The following GRM5 variants were observed in gnomAD, a reference collection of about 807,000 sequenced individuals.
GRM5 encodes metabotropic glutamate receptor 5.
In GRM5, 19 loss-of-function variants were observed where a neutral mutation model predicts 83.1. That is an observed-to-expected ratio of 0.23 (90% CI 0.16 to 0.34). The LOEUF is 0.34. GRM5 is among the 10% of genes least tolerant of loss of function. The pLI, the probability that GRM5 is intolerant of heterozygous loss-of-function variation, is 1.00. For missense variants in GRM5, 1,160 were observed against 1,588.3 expected (o/e 0.73, Z 4.58); for synonymous variants, 675 against 633.6 (o/e 1.07, Z -0.98).
Position 88,868,529 on chromosome 11 carries a change from T to C in GRM5, c.662-18374A>G, listed in dbSNP as rs758658770. Among the ~76,000 whole-genome samples the C allele has an allele frequency of 2.6e-5, 4 of 151,828 alleles. No individual in the cohort carries two copies. In the Admixed American group the frequency reaches 2.6e-4, roughly 10 times the overall value. On this transcript the variant is annotated intron_variant, in intron 2 of 9. Coordinates refer to ENST00000305447, the MANE Select transcript of GRM5 (RefSeq NM_001143831.3). Reference sequence around the variant, plus strand: ...TTTTTATGAGTTCTTATTTTGCTACTAACTTCTTAGTTGTTGGTGTTTGTC... The same window carrying C: ...TTTTTATGAGTTCTTATTTTGCTACCAACTTCTTAGTTGTTGGTGTTTGTC...
At chr11:88,519,975 A>G (rs1941633735) in intron 9 of GRM5, among the ~76,000 whole-genome samples, 1 of 152,074 alleles carries the variant, frequency 6.6e-6, no homozygotes, top group African/African-American at 2.4e-5. Context: ...TTGAAATGAC[A>G]CTCCGTGGTC....
intron 3 of GRM5, among the ~76,000 whole-genome samples, chr11:88,798,479 G>C (rs1006861709): frequency 3.3e-5 from 5 of 152,050 alleles, no homozygotes; most frequent in Non-Finnish European, 7.4e-5. Flanking sequence ...ATTCTACAAG[G>C]CTTATTTTAA....
chr11:88,753,679 C>A (rs2135430208), intron 3 of GRM5, among the ~76,000 whole-genome samples: 1 of 152,188 alleles, frequency 6.6e-6, no homozygotes, highest in South Asian at 2.1e-4. Context: ...ACCTAAATCC[C>A]CATCAATGAT....
chr11:88,956,738 G>A (rs1938629101), intron 2 of GRM5, among the ~76,000 whole-genome samples: 1 of 152,184 alleles, frequency 6.6e-6, no homozygotes. Context: ...CCCGGAAGGC[G>A]GAACTTGCAG....
intron 3 of GRM5, among the ~76,000 whole-genome samples, chr11:88,793,983 C>T (rs1943227880): frequency 6.6e-6 from 1 of 152,110 alleles, no homozygotes; most frequent in Non-Finnish European, 1.5e-5. Flanking sequence ...GCACACACCA[C>T]TATGCCTGGC....
At chr11:88,789,092 A>C (rs1352825654) in intron 3 of GRM5, among the ~76,000 whole-genome samples, 1 of 152,186 alleles carries the variant, frequency 6.6e-6, no homozygotes, top group Admixed American at 6.6e-5. Context: ...CTAGGCTAAA[A>C]ATTAGGAGAA....
At chr11:89,015,797 A>T (rs770921564) in intron 2 of GRM5, among the ~76,000 whole-genome samples, 14 of 152,302 alleles carry the variant, frequency 9.2e-5, no homozygotes, top group Non-Finnish European at 1.9e-4. Context: ...TTTGAGTGTG[A>T]TTACACAAAC....
At chr11:88,711,641 T>C (rs545228746) in intron 3 of GRM5, among the ~76,000 whole-genome samples, 19 of 152,174 alleles carry the variant, frequency 1.2e-4, no homozygotes, top group Admixed American at 1.1e-3. Flanking sequence ...CTATAAAATA[T>C]GAATAACAAT....
At chr11:88,769,801 A>G (rs1942694894) in intron 3 of GRM5, among the ~76,000 whole-genome samples, 1 of 152,084 alleles carries the variant, frequency 6.6e-6, no homozygotes, top group African/African-American at 2.4e-5. Flanking sequence ...CAACGATGCA[A>G]AAGAATTCCA....
intron 3 of GRM5, among the ~76,000 whole-genome samples, chr11:88,686,810 T>C (rs11020950): frequency 0.018 from 2,815 of 152,192 alleles, 65 homozygotes; most frequent in East Asian, 0.095. Context: ...GCCTCCCCAG[T>C]CATGTGGAAC....
chr11:88,570,496 T>C (rs1220590706), intron 7 of GRM5, among the ~76,000 whole-genome samples: 2 of 147,888 alleles, frequency 1.4e-5, no homozygotes, highest in African/African-American at 5.0e-5. Flanking sequence ...AGTTTAGGCT[T>C]ATATTTACAA....
At chr11:88,813,268 G>A (rs1248296498) in intron 3 of GRM5, among the ~76,000 whole-genome samples, 1 of 152,106 alleles carries the variant, frequency 6.6e-6, no homozygotes, top group African/African-American at 2.4e-5. Flanking sequence ...CCTGTGACTT[G>A]CAGGTAGGGG....
intron 6 of GRM5, among the ~76,000 whole-genome samples, chr11:88,593,767 T>C (rs1565352444): frequency 6.0e-5 from 5 of 82,944 alleles, no homozygotes; most frequent in Non-Finnish European, 6.0e-5. Context: ...CCTCCTTCTC[T>C]CTCTCTCTCT....
chr11:88,685,561 G>C (rs1322758531), intron 3 of GRM5, among the ~76,000 whole-genome samples: 3 of 152,180 alleles, frequency 2.0e-5, no homozygotes, highest in African/African-American at 7.2e-5. Context: ...TGTCTCCAAG[G>C]CATGTCAGAG....
At chr11:88,916,626 G>T (rs1590961981) in intron 2 of GRM5, among the ~76,000 whole-genome samples, 1 of 152,126 alleles carries the variant, frequency 6.6e-6, no homozygotes. Context: ...TTGGTGCTTT[G>T]CTGGGCTTGG....
intron 2 of GRM5, among the ~76,000 whole-genome samples, chr11:88,896,693 C>G (rs1283968674): frequency 6.6e-6 from 1 of 151,798 alleles, no homozygotes; most frequent in Non-Finnish European, 1.5e-5. Flanking sequence ...CCAAATCAAA[C>G]AGAGAGAGTG....
intron 2 of GRM5, among the ~76,000 whole-genome samples, chr11:88,992,362 A>T (rs904530180): frequency 6.6e-6 from 1 of 151,792 alleles, no homozygotes; most frequent in Non-Finnish European, 1.5e-5. Context: ...AAAAGTCAGG[A>T]AACAGCAGGT....
intron 2 of GRM5, among the ~76,000 whole-genome samples, chr11:88,888,046 C>T (rs1347938873): frequency 2.0e-5 from 3 of 152,130 alleles, no homozygotes; most frequent in Non-Finnish European, 4.4e-5. Context: ...CTACCTCCAC[C>T]ATCTCTAAAA....
At chr11:88,680,191 C>T (rs118069717) in intron 3 of GRM5, among the ~76,000 whole-genome samples, 7,327 of 152,160 alleles carry the variant, frequency 0.048, 170 homozygotes, top group Middle Eastern at 0.075. Context: ...ATAACTTACT[C>T]GACATTTACA....
Sources: allele counts gnomAD v4.1 joint callset (sites outside exome capture counted in the v4.1 genomes callset), GRCh38; gene constraint gnomAD v4.1.1; transcripts MANE v1.5; gene names NCBI Gene and HGNC (gene_info 2026-07-23, HGNC 2026-07-21).